Variants in ERCC6L2 observed in about 807,000 individuals in gnomAD.
The protein encoded by ERCC6L2 is ERCC excision repair 6 like 2.
ERCC6L2 carries 77 observed loss-of-function variants against 132.0 expected under a neutral mutation model. The ratio of observed to expected loss-of-function variants is 0.58; its 90% confidence interval spans 0.49 to 0.71. The LOEUF (loss-of-function observed/expected upper bound fraction) is 0.71. ERCC6L2 is among the 30% of genes least tolerant of loss of function. The pLI is 0.00. For missense variants in ERCC6L2, 1,542 were observed against 1,837.6 expected (o/e 0.84, Z 2.94); for synonymous variants, 583 against 632.4 (o/e 0.92, Z 1.17).
chr9:96,021,305 C>A (rs559614471), downstream of ERCC6L2: 35 of 331,132 alleles, frequency 1.1e-4, no homozygotes, highest in South Asian at 7.9e-4. The surrounding 1 kb of genome is among the most constrained non-coding windows in gnomAD (Gnocchi z 4.7). Flanking sequence ...AGAAAGCAAG[C>A]GATTAACTGA....
At chr9:95,985,720 C>G (rs118051618) in intron 17 of ERCC6L2, among the ~76,000 whole-genome samples, 1 of 151,360 alleles carries the variant, frequency 6.6e-6, no homozygotes, top group Admixed American at 6.6e-5. Flanking sequence ...TATACGAGGC[C>G]TGTCTCAATT....
intron 16 of ERCC6L2, among the ~76,000 whole-genome samples, chr9:95,974,133 CTTAT>C (rs988542176): frequency 9.2e-5 from 14 of 152,146 alleles, no homozygotes; most frequent in African/African-American, 3.1e-4. Flanking sequence ...AATACCTATA[CTTAT>C]TTATTCATTC....
chr9:95,969,252 G>T (rs1832302419), intron 14 of ERCC6L2, among the ~76,000 whole-genome samples: 2 of 152,112 alleles, frequency 1.3e-5, no homozygotes, highest in Admixed American at 1.3e-4. Flanking sequence ...CAATTAGAGG[G>T]TTCTGAACAG....
intron 7 of ERCC6L2, among the ~76,000 whole-genome samples, chr9:95,921,818 A>G (rs1004550825): frequency 1.6e-4 from 25 of 152,188 alleles, no homozygotes; most frequent in Non-Finnish European, 3.2e-4. Context: ...GTTTTATTAA[A>G]TTATGTCACA....
chr9:95,940,087 C>T (rs1048654098), intron 11 of ERCC6L2, among the ~76,000 whole-genome samples: 3 of 152,140 alleles, frequency 2.0e-5, no homozygotes, highest in South Asian at 4.1e-4. Context: ...GGGAAGAAAA[C>T]GAAAGCTCTA....
At chr9:95,881,548 T>G (rs1587835293) in intron 2 of ERCC6L2, among the ~76,000 whole-genome samples, 1 of 152,212 alleles carries the variant, frequency 6.6e-6, no homozygotes, top group Admixed American at 6.5e-5. Context: ...GATTTTACCT[T>G]TGGTAATACT....
chr9:95,979,726 C>T (rs1832817821), intron 17 of ERCC6L2, among the ~76,000 whole-genome samples: 1 of 152,180 alleles, frequency 6.6e-6, no homozygotes, highest in African/African-American at 2.4e-5. Flanking sequence ...AATATACCAT[C>T]TCTCAACCAA....
At chr9:95,894,992 T>A (rs982573996) in intron 2 of ERCC6L2, among the ~76,000 whole-genome samples, 5 of 152,216 alleles carry the variant, frequency 3.3e-5, no homozygotes, top group African/African-American at 1.2e-4. Flanking sequence ...TAGGTGAAGG[T>A]TGACAATCAT....
chr9:95,998,046 G>T (rs972264062), intron 17 of ERCC6L2, among the ~76,000 whole-genome samples: 3 of 152,182 alleles, frequency 2.0e-5, no homozygotes, highest in Non-Finnish European at 2.9e-5. Flanking sequence ...GTATACCAAT[G>T]GTGCTGCTGC....
At chr9:96,029,067 G>A (rs896645116) in intron 19 of ERCC6L2, among the ~76,000 whole-genome samples, 8 of 152,102 alleles carry the variant, frequency 5.3e-5, no homozygotes, top group Non-Finnish European at 2.9e-5. Flanking sequence ...CACTTTGGGA[G>A]GTCAAGGTGG....
intron 6 of ERCC6L2, among the ~76,000 whole-genome samples, chr9:95,920,479 A>G (rs1829810676): frequency 6.6e-6 from 1 of 152,220 alleles, no homozygotes; most frequent in African/African-American, 2.4e-5. Context: ...TAAGGCTTCC[A>G]GTCAACAGTA....
At chr9:96,029,303 C>CAAAAA (rs201014094) in intron 19 of ERCC6L2, among the ~76,000 whole-genome samples, 86 of 81,782 alleles carry the variant, frequency 1.1e-3, no homozygotes, top group Non-Finnish European at 1.7e-3. Context: ...GACTCCGTCT[C>CAAAAA]AAAAAAAAAA....
chr9:95,956,118 C>G lies in ERCC6L2; in HGVS notation c.1947+105C>G, dbSNP rs563128085. 2.0e-5 allele frequency: 10 copies of G among 510,856 alleles called. No individual in the cohort carries two copies. The South Asian group carries it at 4.9e-4, about 25-fold the overall frequency. The allele number at this position is 510,856 out of a possible 1,614,324, so 31.6% of individuals were successfully genotyped here. The stretch of plus-strand genomic sequence containing the variant: ...GTAAGTTTTAAATCTTACTGTATTG[C>G]GGAATTTAATAAGATTATAAAAATT... On this transcript the variant is annotated intron_variant, in intron 13 of 18. Coordinates refer to ENST00000653738, the MANE Select transcript of ERCC6L2 (RefSeq NM_020207.7).
At chr9:95,946,104 CA>C (rs1831051089) in intron 12 of ERCC6L2, among the ~76,000 whole-genome samples, 1 of 151,898 alleles carries the variant, frequency 6.6e-6, no homozygotes, top group South Asian at 2.1e-4. Context: ...AGGCATTAAG[CA>C]AAACAAAGAG....
intron 16 of ERCC6L2, 100 bp from the exon 17 acceptor site, chr9:95,977,961 G>T (rs1307789181): frequency 2.8e-6 from 2 of 705,252 alleles, no homozygotes; most frequent in Non-Finnish European, 3.9e-6. Context: ...TTGTGATGTT[G>T]ATGTTTCTCT....
intron 17 of ERCC6L2, among the ~76,000 whole-genome samples, chr9:96,001,363 G>A (rs1393619106): frequency 3.9e-5 from 6 of 152,252 alleles, no homozygotes; most frequent in Admixed American, 3.3e-4. Context: ...TTGTCAGGGC[G>A]CTGATTGGTG....
intron 4 of ERCC6L2, among the ~76,000 whole-genome samples, chr9:95,913,043 T>A (rs1829416184): frequency 6.6e-6 from 1 of 152,190 alleles, no homozygotes; most frequent in Non-Finnish European, 1.5e-5. Context: ...AAGGTTACCA[T>A]CATCAGATCT....
intron 11 of ERCC6L2, among the ~76,000 whole-genome samples, chr9:95,940,704 C>A (rs1331486187): frequency 1.3e-5 from 2 of 150,416 alleles, no homozygotes; most frequent in Admixed American, 6.7e-5. Context: ...GGTGAATGTT[C>A]TATAGGAACC....
At chr9:95,962,209 A>G (rs1387059104) in intron 13 of ERCC6L2, among the ~76,000 whole-genome samples, 1 of 152,226 alleles carries the variant, frequency 6.6e-6, no homozygotes, top group Non-Finnish European at 1.5e-5. Flanking sequence ...TGCATTGTAT[A>G]TTCTGCAAAA....
Sources: allele counts gnomAD v4.1 joint callset (sites outside exome capture counted in the v4.1 genomes callset), GRCh38; gene constraint gnomAD v4.1.1; non-coding constraint Gnocchi (gnomAD v3.1); transcripts MANE v1.5; gene names NCBI Gene and HGNC (gene_info 2026-07-23, HGNC 2026-07-21).